The following SYTL2 variants were observed in gnomAD, a reference collection of about 807,000 sequenced individuals.
SYTL2 encodes the protein synaptotagmin-like protein 2.
In SYTL2, 165 loss-of-function variants were observed where a neutral mutation model predicts 198.7. The ratio of observed to expected loss-of-function variants is 0.83; its 90% CI spans 0.73 to 0.94. SYTL2 has a LOEUF of 0.94. Ranked by LOEUF, SYTL2 falls within the 40% of genes least tolerant of loss-of-function variation. SYTL2 has a pLI of 0.00. For synonymous variants in SYTL2, 966 were observed against 917.7 expected (o/e 1.05, Z -0.95); for missense variants, 2,835 against 2,582.8 (o/e 1.10, Z -2.12).
At chr11:85,806,271 T>A (rs986558979) in intron 1 of SYTL2, among the ~76,000 whole-genome samples, 1 of 152,226 alleles carries the variant, frequency 6.6e-6, no homozygotes, top group Non-Finnish European at 1.5e-5. Flanking sequence ...TAGCTGCACA[T>A]GTCTTTGCTC....
chr11:85,739,619 T>G (rs1400086614), intron 4 of SYTL2, among the ~76,000 whole-genome samples: 2 of 152,228 alleles, frequency 1.3e-5, no homozygotes. Flanking sequence ...TGTCTGTCTT[T>G]TATTGGGCAA....
the SYTL2 span, among the ~76,000 whole-genome samples, chr11:85,818,656 A>ACTATTTATCTAT: frequency 0.088 from 13,066 of 149,058 alleles, 690 homozygotes; most frequent in Middle Eastern, 0.16. Flanking sequence ...TGTATAAATT[A>ACTATTTATCTAT]CTATCTATCT....
intron 12 of SYTL2, among the ~76,000 whole-genome samples, chr11:85,714,104 A>G (rs1322345731): frequency 6.6e-6 from 1 of 152,254 alleles, no homozygotes; most frequent in Non-Finnish European, 1.5e-5. Context: ...ACTCCAAACT[A>G]CAGAGGAATA....
chr11:85,713,386 C>T (rs2086642581), intron 12 of SYTL2, among the ~76,000 whole-genome samples: 1 of 152,196 alleles, frequency 6.6e-6, no homozygotes, highest in African/African-American at 2.4e-5. Context: ...TATGTGTTTT[C>T]CCTGCATTAT....
the SYTL2 span, among the ~76,000 whole-genome samples, chr11:85,818,656 A>ACTATCTATCTATCTATCTAT: frequency 1.1e-3 from 171 of 149,110 alleles, 1 homozygote; most frequent in African/African-American, 2.4e-3. Flanking sequence ...TGTATAAATT[A>ACTATCTATCTATCTATCTAT]CTATCTATCT....
intron 4 of SYTL2, among the ~76,000 whole-genome samples, chr11:85,744,286 A>G (rs2091002827): frequency 6.6e-6 from 1 of 152,180 alleles, no homozygotes; most frequent in Non-Finnish European, 1.5e-5. Context: ...CTAGCAAACT[A>G]TTAATATTAT....
At chr11:85,817,320 CA>C in the SYTL2 span, among the ~76,000 whole-genome samples, 1 of 152,218 alleles carries the variant, frequency 6.6e-6, no homozygotes. Flanking sequence ...CAAGGATACA[CA>C]GCCTGTGCTG....
At chr11:85,790,446 A>G (rs1393018774) in intron 1 of SYTL2, among the ~76,000 whole-genome samples, 1 of 152,212 alleles carries the variant, frequency 6.6e-6, no homozygotes, top group East Asian at 1.9e-4. Context: ...TGCATAATAT[A>G]AAGCATAACT....
chr11:85,696,757 C>G (rs893303162), intron 18 of SYTL2, among the ~76,000 whole-genome samples: 1 of 152,130 alleles, frequency 6.6e-6, no homozygotes, highest in African/African-American at 2.4e-5. Flanking sequence ...AGCTCCATGC[C>G]TGCATTTAGT....
At chr11:85,721,532 G>A (rs1028121122) in intron 8 of SYTL2, among the ~76,000 whole-genome samples, 2 of 152,064 alleles carry the variant, frequency 1.3e-5, no homozygotes, top group African/African-American at 2.4e-5. Context: ...TAAAGTTGCG[G>A]GAGGGAGGCC....
rs781565281 is a variant in SYTL2, at chr11:85,724,197, G to A, written c.5161C>T (p.Leu1721Phe). 8 of 1,599,998 alleles carry A rather than the reference G, an allele frequency of 5.0e-6. No individual in the cohort carries two copies. The South Asian group carries it at 5.7e-5, about 11-fold the overall frequency. Residue 1721 changes from leucine (L) to phenylalanine (F), a missense_variant, in exon 8 of 20, where the codon CTC becomes TTC. By Grantham distance (22) the Leu-to-Phe change is conservative (BLOSUM62 0). Transcript: ENST00000359152. ...SVSRNRQPIP[L>F]LMNKENSTKT... ...GTAGAGTTTTCTTTGTTCATCAGGAGAGGAATGGGTTGCCTATTTCTGGAC... is the reference window on the plus strand; with the variant it reads ...GTAGAGTTTTCTTTGTTCATCAGGAAAGGAATGGGTTGCCTATTTCTGGAC...
the SYTL2 span, among the ~76,000 whole-genome samples, chr11:85,818,901 T>C: frequency 9.9e-5 from 15 of 152,160 alleles, no homozygotes; most frequent in African/African-American, 3.6e-4. Context: ...AGTCAGAGAT[T>C]TGTCTTTTCT....
intron 1 of SYTL2, among the ~76,000 whole-genome samples, chr11:85,759,387 AC>A (rs1455979140): frequency 2.6e-5 from 4 of 152,228 alleles, no homozygotes; most frequent in Non-Finnish European, 5.9e-5. Context: ...TCTACCACTT[AC>A]TAGCTATAAG....
At chr11:85,790,360 A>G (rs1238364608) in intron 1 of SYTL2, among the ~76,000 whole-genome samples, 1 of 152,194 alleles carries the variant, frequency 6.6e-6, no homozygotes, top group East Asian at 1.9e-4. Context: ...ACCTAAGCCT[A>G]TCCCAAGCAC....
the SYTL2 span, among the ~76,000 whole-genome samples, chr11:85,843,667 C>T: frequency 6.6e-6 from 1 of 152,172 alleles, no homozygotes; most frequent in African/African-American, 2.4e-5. Flanking sequence ...GGAAATGTGA[C>T]ACAGAAAAGT....
chr11:85,765,804 C>A (rs2092224561), intron 1 of SYTL2, among the ~76,000 whole-genome samples: 1 of 152,148 alleles, frequency 6.6e-6, no homozygotes, highest in Non-Finnish European at 1.5e-5. Context: ...TCACACCTAA[C>A]AATAACATCC....
chr11:85,787,908 A>G (rs7938187), intron 1 of SYTL2, among the ~76,000 whole-genome samples: 11,082 of 152,114 alleles, frequency 0.073, 1,346 homozygotes, highest in African/African-American at 0.25. Flanking sequence ...CTTCCTTCTC[A>G]GGGCTGGGAA....
At chr11:85,790,694 T>C (rs1185392806) in intron 1 of SYTL2, among the ~76,000 whole-genome samples, 1 of 152,142 alleles carries the variant, frequency 6.6e-6, no homozygotes, top group South Asian at 2.1e-4. Flanking sequence ...TTGAAGATTC[T>C]CGCTTGTCTG....
In SYTL2 at chr11:85,728,188, G is replaced by C. The variant is rs992907255; in HGVS notation, c.1391-221C>G. ...TAAAGGAAAGGAAATGTAGAGACCT[G>C]GAAGTACATGGTATAGACCTAACCG... is the stretch of plus-strand genomic sequence containing the variant. On this transcript the variant is annotated intron_variant, in intron 7 of 19. Coordinates refer to ENST00000359152, the MANE Select transcript of SYTL2 (RefSeq NM_206927.4). 4.6e-5 allele frequency among the ~76,000 whole-genome samples: 7 copies of C among 152,082 alleles called. No individual in the cohort carries two copies. In the East Asian group the frequency reaches 1.2e-3, roughly 25 times the overall value.
Sources: gnomAD v4.1 joint callset for allele counts (sites outside exome capture counted in the v4.1 genomes callset) on GRCh38, gnomAD v4.1.1 for gene constraint, MANE v1.5 for transcripts, NCBI Gene and HGNC (gene_info 2026-07-23, HGNC 2026-07-21) for gene names.